SUGP1: variants seen among roughly 807,000 people sequenced by gnomAD.
SUGP1 encodes SURP and G-patch domain containing 1.
In SUGP1, 34 loss-of-function variants were observed where a neutral mutation model predicts 76.5. The observed-to-expected ratio is 0.44, with a 90% CI of 0.34 to 0.59. SUGP1 has a LOEUF of 0.59. SUGP1 is among the 20% of genes least tolerant of loss of function. The pLI, the probability that SUGP1 is intolerant of heterozygous loss-of-function variation, is 0.01. For synonymous variants in SUGP1, 326 were observed against 326.2 expected (o/e 1.00, Z 0.01); for missense variants, 752 against 851.7 (o/e 0.88, Z 1.46).
At chr19:19,313,018 AAAT>A (rs1336802966) in intron 2 of SUGP1, among the ~76,000 whole-genome samples, 1 of 151,716 alleles carries the variant, frequency 6.6e-6, no homozygotes, top group Non-Finnish European at 1.5e-5. Flanking sequence ...TAAAATAAAT[AAAT>A]AAAAAAAAAC....
At chr19:19,309,861 G>A (rs1256032736) in intron 3 of SUGP1, among the ~76,000 whole-genome samples, 1 of 152,178 alleles carries the variant, frequency 6.6e-6, no homozygotes, top group African/African-American at 2.4e-5. Context: ...GCAGTGAGCC[G>A]AGATCGCGCC....
At chr19:19,280,434 G>C (rs1423225762) in intron 8 of SUGP1, 143 bp from the exon 9 acceptor site, 7 of 717,160 alleles carry the variant, frequency 9.8e-6, no homozygotes, top group African/African-American at 1.8e-5. Flanking sequence ...AGTGCCACGT[G>C]GTACGTGACG....
intron 10 of SUGP1, 44 bp from the exon 11 acceptor site, chr19:19,278,840 G>A (rs2061074419): frequency 6.3e-7 from 1 of 1,580,728 alleles, no homozygotes; most frequent in Non-Finnish European, 8.6e-7. Context: ...GAAGCAGGAA[G>A]GAGGGGAGCA....
rs1305122894 is a variant in SUGP1, at chr19:19,303,414, A to C, written c.697T>G (p.Tyr233Asp). The change falls in exon 6 of 14, where the codon TAC (tyrosine) becomes GAC (aspartate). Residue 233 changes from tyrosine (Y) to aspartate (D), a missense_variant. Tyr to Asp is a radical substitution (Grantham distance 160, BLOSUM62 -3). Coordinates refer to ENST00000247001, the MANE Select transcript of SUGP1 (RefSeq NM_172231.4). Reference sequence around the variant, plus strand: ...ATCTCAGCCACCTTCTTCCTGTAGTAGAGGAATTCCCTGCTATTCTTATCG... The same window carrying C: ...ATCTCAGCCACCTTCTTCCTGTAGTCGAGGAATTCCCTGCTATTCTTATCG... ...LHDKNSREFL[Y>D]YRKKVAEIRK... 13 of 1,614,044 alleles carry C rather than the reference A, an allele frequency of 8.1e-6. No homozygotes were observed. The highest frequency in any genetic ancestry group is 1.0e-5 in the Non-Finnish European group (12 of 1,180,032).
At chr19:19,299,408 T>G (rs960453137) in intron 7 of SUGP1, among the ~76,000 whole-genome samples, 1 of 152,176 alleles carries the variant, frequency 6.6e-6, no homozygotes, top group Non-Finnish European at 1.5e-5. Flanking sequence ...AGTCTTGCTC[T>G]GTCGCCCAGG....
chr19:19,293,972 G>A (rs1377109756), intron 8 of SUGP1, among the ~76,000 whole-genome samples: 2 of 151,584 alleles, frequency 1.3e-5, no homozygotes, highest in Non-Finnish European at 2.9e-5. Context: ...ATTGTTTGAG[G>A]CCAGCAGTTT....
At chr19:19,319,168 G>C (rs1456661455) in intron 1 of SUGP1, among the ~76,000 whole-genome samples, 2 of 152,156 alleles carry the variant, frequency 1.3e-5, no homozygotes, top group Non-Finnish European at 2.9e-5. Context: ...GTTGCAGTCA[G>C]CCGACATCGT....
intron 8 of SUGP1, among the ~76,000 whole-genome samples, chr19:19,291,417 A>G (rs1337322298): frequency 6.6e-6 from 1 of 152,190 alleles, no homozygotes; most frequent in Non-Finnish European, 1.5e-5. Flanking sequence ...GGCTGTAACT[A>G]ACGACTGAAA....
intron 4 of SUGP1, among the ~76,000 whole-genome samples, chr19:19,305,439 G>T (rs2061308764): frequency 6.6e-6 from 1 of 152,214 alleles, no homozygotes. Context: ...CCTAAACTCA[G>T]GGGACAGGTA....
At chr19:19,278,817 G>A (rs1306421936) in intron 10 of SUGP1, 21 bp from the exon 11 acceptor site, 1 of 1,605,708 alleles carries the variant, frequency 6.2e-7, no homozygotes, top group Non-Finnish European at 8.5e-7. Context: ...AAGCAGAAAG[G>A]TGAGAAGAGG....
intron 8 of SUGP1, among the ~76,000 whole-genome samples, chr19:19,286,758 G>T (rs1599849274): frequency 6.6e-6 from 1 of 152,116 alleles, no homozygotes; most frequent in East Asian, 1.9e-4. Context: ...AAAAAAATAG[G>T]TCTGGCCAGG....
intron 10 of SUGP1, 104 bp downstream of exon 10, chr19:19,279,109 G>C (rs2061076471): frequency 7.7e-7 from 1 of 1,296,498 alleles, no homozygotes; most frequent in Non-Finnish European, 1.0e-6. Flanking sequence ...GGCTAAACCA[G>C]GATGGCAGCT....
At chr19:19,292,746 C>G (rs1356307395) in intron 8 of SUGP1, among the ~76,000 whole-genome samples, 1 of 152,046 alleles carries the variant, frequency 6.6e-6, no homozygotes, top group Non-Finnish European at 1.5e-5. Flanking sequence ...CAATAAAATA[C>G]TAGGAAACCA....
intron 2 of SUGP1, 57 bp from the exon 3 acceptor site, chr19:19,310,257 C>T: frequency 1.5e-6 from 2 of 1,347,714 alleles, no homozygotes; most frequent in South Asian, 1.2e-5. Context: ...AGTGAGGGCA[C>T]CAGAGGACGA....
At chr19:19,316,342 G>A in intron 2 of SUGP1, 80 bp downstream of exon 2, 2 of 1,537,488 alleles carry the variant, frequency 1.3e-6, no homozygotes, top group Non-Finnish European at 1.8e-6. Context: ...CATGCTGACT[G>A]CCCTCACAAG....
At chr19:19,310,636 C>T (rs1296948581) in intron 2 of SUGP1, among the ~76,000 whole-genome samples, 1 of 152,094 alleles carries the variant, frequency 6.6e-6, no homozygotes, top group Non-Finnish European at 1.5e-5. Flanking sequence ...CTCTCTCTGT[C>T]TCTCTCCCTC....
At chr19:19,303,504 T>TATCCC in intron 5 of SUGP1, 56 bp from the exon 6 acceptor site, 1 of 1,510,494 alleles carries the variant, frequency 6.6e-7, no homozygotes, top group African/African-American at 1.4e-5. Flanking sequence ...GTGACAGGCA[T>TATCCC]ATCCCTGCAG....
In SUGP1 at chr19:19,316,512, A is replaced by G; in HGVS notation, c.116T>C (p.Ile39Thr). ...TTCAATTTCCCGTTTCTTCTGAGCG[A>G]TGAGCTCTTCCTGGTGAAGGATGTT... ...NMNILHQEEL[I>T]AQKKREIEAK... Residue 39 changes from isoleucine (I) to threonine (T), a missense_variant, in exon 2 of 14, where the codon ATC becomes ACC. Transcript: ENST00000247001. 3 of 1,613,892 alleles carry G rather than the reference A, an allele frequency of 1.9e-6. No homozygotes were observed. Among genetic ancestry groups the G allele is most frequent in the Non-Finnish European group, 2.5e-6 (3 of 1,180,012 alleles).
intron 7 of SUGP1, 44 bp downstream of exon 7, chr19:19,302,221 T>C: frequency 6.2e-7 from 1 of 1,610,388 alleles, no homozygotes; most frequent in Admixed American, 1.7e-5. Context: ...GCAGGGGGAC[T>C]GTGGCCAGGG....
Sources: allele counts gnomAD v4.1 joint callset (sites outside exome capture counted in the v4.1 genomes callset), GRCh38; gene constraint gnomAD v4.1.1; transcripts MANE v1.5; gene names NCBI Gene and HGNC (gene_info 2026-07-23, HGNC 2026-07-21).